Variants in CELSR2 observed in about 807,000 individuals in gnomAD.
The protein encoded by CELSR2 is cadherin EGF LAG seven-pass G-type receptor 2.
A neutral mutation model predicts 251.6 loss-of-function variants in CELSR2; 81 were observed. That is an observed-to-expected ratio of 0.32 (90% CI 0.27 to 0.39). The LOEUF is 0.39. Ranked by LOEUF, CELSR2 falls within the 10% of genes least tolerant of loss-of-function variation. The pLI is 1.00. For missense variants in CELSR2, 3,365 were observed against 3,947.7 expected, an observed-to-expected ratio of 0.85 and a Z score of 3.96; for synonymous variants, 1,721 against 1,670.5, an observed-to-expected ratio of 1.03 and a Z score of -0.74.
rs779495640 is a variant in CELSR2, at chr1:109,271,379, T to A, written c.7677-7T>A. The A allele has an allele frequency of 1.9e-6, 3 of 1,612,264 alleles. No homozygotes were observed. The highest frequency in any genetic ancestry group is 2.5e-6 in the Non-Finnish European group (3 of 1,179,690). ...TGGCCGGACTCATGGCCTGTCCCTA[T>A]CCCCAGCTCGGGCCTGCAGCCCTCC... On this transcript the variant is annotated splice_region_variant and splice_polypyrimidine_tract_variant and intron_variant, in intron 26 of 33. Transcript: ENST00000271332.
In CELSR2 at chr1:109,261,486, C is replaced by T; in HGVS notation, c.4182-27C>T. On this transcript the variant is annotated intron_variant, in intron 3 of 33. Transcript: ENST00000271332. This position sits in a 1 kb window ranked among gnomAD's most constrained non-coding sequence, Gnocchi z 4.8. ...GGCATCCAGGTGGGTACCCCATTCC[C>T]TGCCCCCATCCCCAACTCCTGTTCA... 6.3e-7 allele frequency: 1 copy of T among 1,599,906 alleles called. No individual in the cohort carries two copies. The highest frequency in any genetic ancestry group is 1.3e-5 in the African/African-American group (1 of 74,768).
In CELSR2 at chr1:109,253,037, C is replaced by G; in HGVS notation, c.2958C>G (p.Tyr986Ter). ...GELTALVDLD[Y>*]EDRPEYVLVI... Reference sequence around the variant, plus strand: ...TGACAGCCCTGGTAGACTTAGACTACGAGGACCGGCCTGAGTACGTCCTGG... The same window carrying G: ...TGACAGCCCTGGTAGACTTAGACTAGGAGGACCGGCCTGAGTACGTCCTGG... Residue 986 changes from tyrosine (Y) to a stop codon, truncating the protein, a stop_gained, in exon 1 of 34, where the codon TAC becomes TAG. Transcript: ENST00000271332. LOFTEE classifies it high-confidence loss of function. The G allele has an allele frequency of 6.2e-7, 1 of 1,613,600 alleles. No homozygotes were observed. The highest frequency in any genetic ancestry group is 8.5e-7 in the Non-Finnish European group (1 of 1,179,962).
In CELSR2 at chr1:109,264,440, C is replaced by G; in HGVS notation, c.5290-14C>G. On this transcript the variant is annotated splice_polypyrimidine_tract_variant and intron_variant, in intron 10 of 33. Coordinates refer to ENST00000271332, the MANE Select transcript of CELSR2 (RefSeq NM_001408.3). ...CCGCTCCACTGAGGGCAACACTGCT[C>G]CTGTCCCTCCCAGGGTGTGCGGGTG... is the stretch of plus-strand genomic sequence containing the variant. 6.2e-7 allele frequency: 1 copy of G among 1,607,096 alleles called. No homozygotes were observed. Among genetic ancestry groups the G allele is most frequent in the Non-Finnish European group, 8.5e-7 (1 of 1,174,496 alleles).
At chr1:109,265,646 C>G in intron 13 of CELSR2, 89 bp from the exon 14 acceptor site, 1 of 1,502,662 alleles carries the variant, frequency 6.7e-7, no homozygotes, top group Non-Finnish European at 9.0e-7. Context: ...GGTCGGGACC[C>G]TCTCCACAGG....
rs1285847411 is a variant in CELSR2, at chr1:109,265,901, C to T, written c.5894C>T (p.Thr1965Ile). Residue 1965 changes from threonine to isoleucine, a missense_variant, in exon 14 of 34, where the codon ACC (threonine) becomes ATC (isoleucine). Thr to Ile is a moderately conservative substitution (Grantham distance 89). This residue lies in a region of CELSR2 where 2,093 missense variants were observed against 2,382.8 expected (regional missense o/e 0.88). Transcript: ENST00000271332. ...TGTGACAACCCTTTTGCTGAGGTCA[C>T]CACCAATGGCTGTGAAGGTGGGGCT... is the stretch of plus-strand genomic sequence containing the variant. ...DRCDNPFAEV[T>I]TNGCEVNYDS... 6 of 1,612,418 alleles carry T rather than the reference C, an allele frequency of 3.7e-6. No homozygotes were observed. Among genetic ancestry groups the T allele is most frequent in the Non-Finnish European group, 5.1e-6 (6 of 1,178,826 alleles).
Position 109,261,051 on chromosome 1 carries a change from G to T in CELSR2, c.3968G>T (p.Cys1323Phe). ...LCRDGYTGEHCEVSARSGRCT... is the reference protein window; with the variant it reads ...LCRDGYTGEHFEVSARSGRCT... ...CTTTCCTCTTGTCCAGGTGAGCACTGTGAGGTGAGTGCTCGCTCAGGCCGT... is the reference window on the plus strand; with the variant it reads ...CTTTCCTCTTGTCCAGGTGAGCACTTTGAGGTGAGTGCTCGCTCAGGCCGT... Residue 1323 changes from cysteine (C) to phenylalanine (F), a missense_variant, in exon 3 of 34, where the codon TGT becomes TTT. Cys to Phe is a radical substitution (Grantham distance 205, BLOSUM62 -2). Coordinates refer to ENST00000271332, the MANE Select transcript of CELSR2 (RefSeq NM_001408.3). The surrounding 1 kb of genome is among the most constrained non-coding windows in gnomAD (Gnocchi z 4.8). The T allele has an allele frequency of 6.2e-7, 1 of 1,611,376 alleles. No individual in the cohort carries two copies. Among genetic ancestry groups the T allele is most frequent in the Non-Finnish European group, 8.5e-7 (1 of 1,178,256 alleles).
chr1:109,264,577 A>C lies in CELSR2; in HGVS notation c.5413A>C (p.Asn1805His). 6.2e-7 allele frequency: 1 copy of C among 1,614,136 alleles called. No homozygotes were observed. Residue 1805 changes from asparagine (N) to histidine (H), a missense_variant, in exon 11 of 34, where the codon AAC becomes CAC. Asn to His is a moderately conservative substitution (Grantham distance 68). Coordinates refer to ENST00000271332, the MANE Select transcript of CELSR2 (RefSeq NM_001408.3). ...TTGTGACTCAAACCCGTGTCCTGCTAACAGCTATTGCAGCAACGACTGGGA... is the reference window on the plus strand; with the variant it reads ...TTGTGACTCAAACCCGTGTCCTGCTCACAGCTATTGCAGCAACGACTGGGA... ...DPCDSNPCPANSYCSNDWDSY... is the reference protein window; with the variant it reads ...DPCDSNPCPAHSYCSNDWDSY...
Position 109,272,912 on chromosome 1 carries a change from CAGTG to C in CELSR2, c.8226_8229del (p.Ser2742ArgfsTer82). ...CCTATGCCTCTACCCACTCATCAGA[CAGTG>C]AGGAGGAAGAAGAGGAGGAGGAAGA... On this transcript the variant is annotated frameshift_variant, in exon 31 of 34. Transcript: ENST00000271332. LOFTEE classifies it high-confidence loss of function. 2 of 1,613,914 alleles carry C rather than the reference CAGTG, an allele frequency of 1.2e-6. No homozygotes were observed. Among genetic ancestry groups the C allele is most frequent in the Non-Finnish European group, 1.7e-6 (2 of 1,179,926 alleles).
Position 109,261,857 on chromosome 1 carries a change from T to C in CELSR2, c.4347T>C (p.Asp1449=). ...VSPFVPGGVS[D]GQWHTVQLKY... is the part of the protein sequence containing the mutation. ...CATTCGTGCCCGGAGGAGTCAGTGA[T>C]GGCCAGTGGCATACGGTGCAGCTGA... Residue 1449 remains aspartate (D), a synonymous_variant, in exon 5 of 34, where the codon GAT becomes GAC. Coordinates refer to ENST00000271332, the MANE Select transcript of CELSR2 (RefSeq NM_001408.3). The surrounding 1 kb of genome is among the most constrained non-coding windows in gnomAD (Gnocchi z 4.8). 2 of 1,592,912 alleles carry C rather than the reference T, an allele frequency of 1.3e-6. No individual in the cohort carries two copies. The highest frequency in any genetic ancestry group is 1.7e-6 in the Non-Finnish European group (2 of 1,168,068).
At position 109,264,129 on chromosome 1, in the gene CELSR2, T is replaced by A; in HGVS notation, c.5053T>A (p.Ser1685Thr). ...CGTGGAGGGCACAGGGCTTCAGGCC[T>A]CCTCTCTCCGTCTGGAGCCAGGCCG... The part of the protein sequence containing the change: ...LSVEGTGLQA[S>T]SLRLEPGRAN... Residue 1685 changes from serine (S) to threonine (T), a missense_variant, in exon 10 of 34, where the codon TCC (serine) becomes ACC (threonine). Transcript: ENST00000271332. 6.2e-7 allele frequency: 1 copy of A among 1,603,714 alleles called. No homozygotes were observed. Among genetic ancestry groups the A allele is most frequent in the Non-Finnish European group, 8.5e-7 (1 of 1,172,188 alleles).
rs1655739655 is a variant in CELSR2, at chr1:109,252,996, A to T, written c.2917A>T (p.Ile973Phe). 1 of 1,612,102 alleles carries T rather than the reference A, an allele frequency of 6.2e-7. No homozygotes were observed. Residue 973 changes from isoleucine (I) to phenylalanine (F), a missense_variant, in exon 1 of 34, where the codon ATC (isoleucine) becomes TTC (phenylalanine). This residue lies in a region of CELSR2 where 505 missense variants were observed against 660.0 expected (regional missense o/e 0.77). Coordinates refer to ENST00000271332, the MANE Select transcript of CELSR2 (RefSeq NM_001408.3). This position sits in a 1 kb window ranked among gnomAD's most constrained non-coding sequence, Gnocchi z 4.8. ...CATCCCTGAGGTCTTTCAGCTGGAC[A>T]TCTTCTCCGGGGAGCTGACAGCCCT... The part of the protein sequence containing the change: ...GNIPEVFQLD[I>F]FSGELTALVD...
In CELSR2 at chr1:109,267,559, C is replaced by G; in HGVS notation, c.6025C>G (p.Arg2009Gly). The change falls in exon 16 of 34, where the codon CGC becomes GGC. Residue 2009 changes from arginine (R) to glycine (G), a missense_variant. Around this residue, in one of 5 missense-constraint regions of CELSR2, gnomAD observed 2,093 missense variants for 2,382.8 expected, o/e 0.88. Coordinates refer to ENST00000271332, the MANE Select transcript of CELSR2 (RefSeq NM_001408.3). ...CTTCCTTCCCCCAGGGACTGCTGTG[C>G]GCCACTGTGATGAGCACAGGGGGTG... ...CPKGSFGTAV[R>G]HCDEHRGWLP... The G allele has an allele frequency of 2.5e-6, 4 of 1,614,010 alleles. No individual in the cohort carries two copies. The highest frequency in any genetic ancestry group is 3.4e-6 in the Non-Finnish European group (4 of 1,179,946).
In CELSR2 at chr1:109,253,118, C is replaced by T. The variant is rs751011810; in HGVS notation, c.3039C>T (p.Leu1013=). The T allele has an allele frequency of 2.5e-6, 4 of 1,613,848 alleles. No homozygotes were observed. The South Asian group carries it at 4.4e-5, about 18-fold the overall frequency. The change falls in exon 1 of 34, where the codon CTC becomes CTT. Residue 1013 remains leucine (L), a synonymous_variant. Coordinates refer to ENST00000271332, the MANE Select transcript of CELSR2 (RefSeq NM_001408.3). ...GCCGGGCTACAGTCCACGTCCGCCTCCTTGACCGCAATGACAACCCACCAG... is the reference window on the plus strand; with the variant it reads ...GCCGGGCTACAGTCCACGTCCGCCTTCTTGACCGCAATGACAACCCACCAG... The part of the protein sequence containing the change: ...LVSRATVHVR[L]LDRNDNPPVL...
At chr1:109,262,557 C>G in intron 6 of CELSR2, 113 bp downstream of exon 6, 1 of 1,439,004 alleles carries the variant, frequency 6.9e-7, no homozygotes, top group Non-Finnish European at 9.3e-7. Flanking sequence ...CTCTTAGCCC[C>G]TGCTCAGCCC....
chr1:109,262,661 G>A (rs1656051417), intron 6 of CELSR2, 145 bp from the exon 7 acceptor site: 21 of 1,398,712 alleles, frequency 1.5e-5, no homozygotes, highest in Non-Finnish European at 1.7e-5. Context: ...TTCCAGGTAG[G>A]GGTGACGCCC....
chr1:109,274,279 T>A lies in CELSR2; in HGVS notation c.*230T>A. On this transcript the variant is annotated 3_prime_UTR_variant, in exon 34 of 34. Transcript: ENST00000271332. ...TTCCCCTCACTGCACTTTGGACCCC[T>A]GGGGCCAACATCTCCAAGACAAAGT... 1 of 1,012,888 alleles carries A rather than the reference T, an allele frequency of 9.9e-7. No individual in the cohort carries two copies. Among genetic ancestry groups the A allele is most frequent in the Non-Finnish European group, 1.4e-6 (1 of 730,498 alleles). 62.7% of individuals were successfully genotyped at this position (1,012,888 alleles called of 1,614,324 possible). A position where few individuals can be genotyped will look rare whatever the true frequency, so the allele number is the denominator to read the frequency against.
In CELSR2 at chr1:109,261,010, C is replaced by T; in HGVS notation, c.3959-32C>T. On this transcript the variant is annotated intron_variant, in intron 2 of 33. Transcript: ENST00000271332. This position sits in a 1 kb window ranked among gnomAD's most constrained non-coding sequence, Gnocchi z 4.8. ...TCAGTTCCCCTCCTGTCCTCAGGTACTTGGTACTCACCTGCCTTTCCTCTT... is the reference window on the plus strand; with the variant it reads ...TCAGTTCCCCTCCTGTCCTCAGGTATTTGGTACTCACCTGCCTTTCCTCTT... The T allele has an allele frequency of 6.5e-7, 1 of 1,549,594 alleles. No homozygotes were observed. The highest frequency in any genetic ancestry group is 2.3e-5 in the East Asian group (1 of 44,382).
intron 6 of CELSR2, 38 bp from the exon 7 acceptor site, chr1:109,262,768 A>T (rs1193362288): frequency 6.3e-7 from 1 of 1,599,328 alleles, no homozygotes; most frequent in Non-Finnish European, 8.5e-7. Flanking sequence ...AGAAGCTCCC[A>T]GCCCTCCCTT....
Position 109,258,658 on chromosome 1 carries a change from C to T in CELSR2, c.3537C>T (p.His1179=), listed in dbSNP as rs1197834900. Residue 1179 remains histidine (H), a synonymous_variant, in exon 2 of 34, where the codon CAC becomes CAT. Transcript: ENST00000271332. The part of the protein sequence containing the change: ...VQRDTDAPGG[H]ILNVSLSVGQ... ...GGGACACCGACGCCCCCGGGGGCCA[C>T]ATCCTCAACGTGAGCCTGTCGGTGG... is the stretch of plus-strand genomic sequence containing the variant. 1 of 1,549,210 alleles carries T rather than the reference C, an allele frequency of 6.5e-7. No individual in the cohort carries two copies. The highest frequency in any genetic ancestry group is 2.0e-5 in the Admixed American group (1 of 50,938).
Sources: gnomAD v4.1 joint callset for allele counts on GRCh38, gnomAD v4.1.1 for gene constraint, gnomAD v4.1.1 regional missense constraint, Gnocchi (gnomAD v3.1) non-coding constraint, MANE v1.5 for transcripts, NCBI Gene and HGNC (gene_info 2026-07-23, HGNC 2026-07-21) for gene names.